RAVER2: variants seen among roughly 807,000 people sequenced by gnomAD.
RAVER2 encodes ribonucleoprotein, PTB binding 2, also known as ribonucleoprotein PTB-binding 2.
Under a neutral mutation model 78.1 loss-of-function variants are expected in RAVER2, and 46 were observed. The ratio of observed to expected loss-of-function variants is 0.59; its 90% CI spans 0.46 to 0.75. The LOEUF is 0.75. Among genes scored for constraint, RAVER2 ranks in the 30% least tolerant of loss-of-function variants. RAVER2 has a pLI of 0.00. For synonymous variants in RAVER2, 311 were observed against 313.3 expected (o/e 0.99, Z 0.08); for missense variants, 793 against 837.5 (o/e 0.95, Z 0.66).
At chr1:64,787,189 C>A (rs1339441255) in intron 4 of RAVER2, among the ~76,000 whole-genome samples, 1 of 152,030 alleles carries the variant, frequency 6.6e-6, no homozygotes, top group Non-Finnish European at 1.5e-5. Flanking sequence ...CATAATTCTG[C>A]TTTCTGTCTT....
At chr1:64,795,111 T>G (rs1252844497) in intron 5 of RAVER2, among the ~76,000 whole-genome samples, 1 of 152,184 alleles carries the variant, frequency 6.6e-6, no homozygotes, top group African/African-American at 2.4e-5. Context: ...CAAAAATCAG[T>G]TCACCATATA....
Position 64,781,060 on chromosome 1 carries a change from A to G in RAVER2, c.787-320A>G, listed in dbSNP as rs540882815. On this transcript the variant is annotated intron_variant, in intron 3 of 11. Coordinates refer to ENST00000294428, the Ensembl canonical transcript of RAVER2. ...TTTTCTTTTAAGGAAAGCTATAATTATTGTGTCCTCATGTTTTCCTATAAA... is the reference window on the plus strand; with the variant it reads ...TTTTCTTTTAAGGAAAGCTATAATTGTTGTGTCCTCATGTTTTCCTATAAA... Among the ~76,000 whole-genome samples the G allele has an allele frequency of 2.0e-5, 3 of 152,244 alleles. No individual in the cohort carries two copies. The South Asian group carries it at 6.2e-4, about 32-fold the overall frequency.
At chr1:64,795,647 T>C (rs1653075556) in intron 5 of RAVER2, among the ~76,000 whole-genome samples, 1 of 152,118 alleles carries the variant, frequency 6.6e-6, no homozygotes, top group Admixed American at 6.5e-5. Flanking sequence ...TGATTAAATA[T>C]TTATTTATCT....
chr1:64,777,196 GAAGA>G (rs1652489058), intron 2 of RAVER2, among the ~76,000 whole-genome samples: 1 of 152,064 alleles, frequency 6.6e-6, no homozygotes, highest in African/African-American at 2.4e-5. Context: ...CTCTTTCTAG[GAAGA>G]AAGAAAGATT....
At chr1:64,774,882 G>C (rs774449532) in intron 2 of RAVER2, among the ~76,000 whole-genome samples, 9 of 152,022 alleles carry the variant, frequency 5.9e-5, no homozygotes, top group Non-Finnish European at 1.3e-4. Context: ...TCCTTGAAGG[G>C]GTCCTTCACA....
chr1:64,779,911 C>G (rs1341217639), intron 3 of RAVER2, among the ~76,000 whole-genome samples: 1 of 151,828 alleles, frequency 6.6e-6, no homozygotes, highest in Non-Finnish European at 1.5e-5. Context: ...GGAAAATTAA[C>G]TACATCACAA....
intron 5 of RAVER2, among the ~76,000 whole-genome samples, chr1:64,794,580 TG>T (rs1255378397): frequency 6.6e-6 from 1 of 152,118 alleles, no homozygotes; most frequent in Non-Finnish European, 1.5e-5. Context: ...GGTTTTAATT[TG>T]AATATTTCTT....
Position 64,763,917 on chromosome 1 carries a change from T to TACACACACACACACACACACACACAC in RAVER2, c.250-4726_250-4701dup, listed in dbSNP as rs58298918. Among the ~76,000 whole-genome samples the TACACACACACACACACACACACACAC allele has an allele frequency of 2.0e-4, 27 of 133,812 alleles. No individual in the cohort carries two copies. The East Asian group carries it at 5.7e-3, about 28-fold the overall frequency. The allele number at this position is 133,812 out of a possible 152,430, so 87.8% of individuals were successfully genotyped here. A position where few individuals can be genotyped will look rare whatever the true frequency, so the allele number is the denominator to read the frequency against. Reference sequence around the variant, plus strand: ...AAACTCCATCTCAAAAAAACAAAAATACACACACACACACACACACACACA... The same window carrying TACACACACACACACACACACACACAC: ...AAACTCCATCTCAAAAAAACAAAAATACACACACACACACACACACACACACACACACACACACACACACACACACA... On this transcript the variant is annotated intron_variant, in intron 1 of 11. Transcript: ENST00000294428.
rs1385228149 is a variant in RAVER2 at position 64,745,448 on chromosome 1, C to G, written c.249+27C>G. 2.0e-6 allele frequency: 3 copies of G among 1,507,262 alleles called. No individual in the cohort carries two copies. Among genetic ancestry groups the G allele is most frequent in the Non-Finnish European group, 1.8e-6 (2 of 1,120,710 alleles). The allele number at this position is 1,507,262 out of a possible 1,614,324, so 93.4% of individuals were successfully genotyped here. ...TACTGGGACGGTGATAGGGGCGACG[C>G]GTCCCGAGGGGCGGCGGGGCGGCGC... On this transcript the variant is annotated intron_variant, in intron 1 of 11. Coordinates refer to ENST00000294428, the Ensembl canonical transcript of RAVER2. The surrounding 1 kb of genome is among the most constrained non-coding windows in gnomAD (Gnocchi z 4.3).
At chr1:64,755,371 T>C (rs1239611074) in intron 1 of RAVER2, among the ~76,000 whole-genome samples, 1 of 152,214 alleles carries the variant, frequency 6.6e-6, no homozygotes, top group African/African-American at 2.4e-5. Flanking sequence ...CCCACTTCCC[T>C]ATGTTAAGGC....
chr1:64,778,689 A>G (rs1162966560), intron 3 of RAVER2, among the ~76,000 whole-genome samples: 1 of 149,680 alleles, frequency 6.7e-6, no homozygotes, highest in Non-Finnish European at 1.5e-5. Context: ...AATTAAATAC[A>G]TTCTAATAAA....
intron 2 of RAVER2, among the ~76,000 whole-genome samples, chr1:64,771,354 G>A (rs1652313234): frequency 6.6e-6 from 1 of 151,880 alleles, no homozygotes; most frequent in African/African-American, 2.4e-5. Context: ...ATGAAATAGA[G>A]ATGTTTTTCA....
exon 3 of RAVER2, chr1:64,777,651 A>C: frequency 6.2e-7 from 1 of 1,612,610 alleles, no homozygotes; most frequent in South Asian, 1.1e-5. Context: ...ATGGGGAACA[A>C]GCCCAGAACG....
chr1:64,764,062 A>G (rs1652106787), intron 1 of RAVER2, among the ~76,000 whole-genome samples: 1 of 152,186 alleles, frequency 6.6e-6, no homozygotes, highest in Non-Finnish European at 1.5e-5. Flanking sequence ...TCAAATTCCC[A>G]TCAACAGGAG....
At chr1:64,764,485 C>T (rs1370917218) in intron 1 of RAVER2, among the ~76,000 whole-genome samples, 1 of 151,936 alleles carries the variant, frequency 6.6e-6, no homozygotes, top group Non-Finnish European at 1.5e-5. Flanking sequence ...CCCTTTATGA[C>T]CTTGTTTAGG....
chr1:64,761,043 A>C (rs367585818), intron 1 of RAVER2, among the ~76,000 whole-genome samples: 6 of 152,212 alleles, frequency 3.9e-5, no homozygotes, highest in African/African-American at 1.4e-4. Context: ...ATCCAGCTTT[A>C]AAATCAAATT....
chr1:64,796,598 G>A (rs1653103057), intron 5 of RAVER2, among the ~76,000 whole-genome samples: 1 of 151,952 alleles, frequency 6.6e-6, no homozygotes, highest in Non-Finnish European at 1.5e-5. Flanking sequence ...ATCTCTGCAG[G>A]ATCTATAGTG....
intron 4 of RAVER2, among the ~76,000 whole-genome samples, chr1:64,782,235 A>C (rs1175539688): frequency 6.6e-6 from 1 of 152,176 alleles, no homozygotes; most frequent in Non-Finnish European, 1.5e-5. Flanking sequence ...TCACAAGTAG[A>C]GGAAAATACG....
chr1:64,753,419 C>T (rs921658657), intron 1 of RAVER2, among the ~76,000 whole-genome samples: 10 of 151,888 alleles, frequency 6.6e-5, no homozygotes, highest in African/African-American at 1.9e-4. Context: ...ATTCCATCTT[C>T]AGACAGCTTT....
Sources: gnomAD v4.1 joint callset for allele counts (sites outside exome capture counted in the v4.1 genomes callset) on GRCh38, gnomAD v4.1.1 for gene constraint, Gnocchi (gnomAD v3.1) non-coding constraint, MANE v1.5 for transcripts, NCBI Gene and HGNC (gene_info 2026-07-23, HGNC 2026-07-21) for gene names.